Variants in SLC24A2 observed in about 807,000 individuals in gnomAD.
SLC24A2 encodes the protein solute carrier family 24 member 2.
In SLC24A2, 36 loss-of-function variants were observed where a neutral mutation model predicts 62.0. The ratio of observed to expected loss-of-function variants is 0.58; its 90% CI spans 0.44 to 0.77. SLC24A2 has a LOEUF of 0.77. Among genes scored for constraint, SLC24A2 ranks in the 30% least tolerant of loss-of-function variants. The pLI, the probability that SLC24A2 is intolerant of heterozygous loss-of-function variation, is 0.00. For missense variants in SLC24A2, 846 were observed against 817.9 expected (o/e 1.03, Z -0.42); for synonymous variants, 358 against 294.0 (o/e 1.22, Z -2.23).
chr9:19,527,917 T>C, intron 9 of SLC24A2, 132 bp downstream of exon 9: 1 of 708,548 alleles, frequency 1.4e-6, no homozygotes, highest in Non-Finnish European at 2.6e-6. Flanking sequence ...CCTCTAGTCC[T>C]GGAATGCTAA....
chr9:19,792,704 A>G (rs1453806070), upstream of SLC24A2, among the ~76,000 whole-genome samples: 1 of 77,492 alleles, frequency 1.3e-5, no homozygotes, highest in Non-Finnish European at 4.9e-5. Context: ...ACAAAACTCC[A>G]TCTCAAAAAA....
intron 7 of SLC24A2, among the ~76,000 whole-genome samples, chr9:19,557,884 T>G (rs1835175928): frequency 6.6e-6 from 1 of 151,602 alleles, no homozygotes; most frequent in African/African-American, 2.4e-5. Context: ...AGTGGCATGA[T>G]CTCAGCTCAC....
At chr9:20,171,539 G>A in the SLC24A2 span, among the ~76,000 whole-genome samples, 4 of 151,994 alleles carry the variant, frequency 2.6e-5, 1 homozygote, top group South Asian at 8.3e-4. Context: ...CCATGCAAAT[G>A]AACACCAAAA....
the SLC24A2 span, among the ~76,000 whole-genome samples, chr9:20,030,762 C>T: frequency 2.0e-5 from 3 of 152,248 alleles, no homozygotes; most frequent in East Asian, 5.8e-4. Flanking sequence ...CACAGTTTTA[C>T]AGATAAGAAA....
At chr9:19,853,161 T>C in the SLC24A2 span, among the ~76,000 whole-genome samples, 3 of 150,924 alleles carry the variant, frequency 2.0e-5, no homozygotes, top group Admixed American at 1.3e-4. Context: ...TTTGGTTTTA[T>C]ATCTGAGAAC....
At chr9:19,796,814 T>A in the SLC24A2 span, among the ~76,000 whole-genome samples, 6 of 152,326 alleles carry the variant, frequency 3.9e-5, no homozygotes, top group African/African-American at 1.4e-4. Flanking sequence ...ACTTGCAGTG[T>A]TCTATATCTT....
chr9:20,138,988 C>T, the SLC24A2 span, among the ~76,000 whole-genome samples: 1 of 152,206 alleles, frequency 6.6e-6, no homozygotes, highest in Non-Finnish European at 1.5e-5. Flanking sequence ...GAAATCTGTT[C>T]TCACCCCCAC....
intron 9 of SLC24A2, among the ~76,000 whole-genome samples, chr9:19,527,461 A>G (rs1833492720): frequency 2.0e-5 from 3 of 152,238 alleles, no homozygotes; most frequent in Admixed American, 6.5e-5. Flanking sequence ...GACATACTCA[A>G]TTATCAATAG....
intron 5 of SLC24A2, among the ~76,000 whole-genome samples, chr9:19,582,911 C>G (rs560938592): frequency 1.2e-4 from 18 of 152,184 alleles, no homozygotes; most frequent in Admixed American, 8.5e-4. Context: ...TCCCACTCCC[C>G]ACTCCGCACA....
chr9:20,205,649 TA>T, the SLC24A2 span, among the ~76,000 whole-genome samples: 15,694 of 65,618 alleles, frequency 0.24, 676 homozygotes, highest in African/African-American at 0.33. Context: ...AGACTCCATC[TA>T]AAAAAAAAAA....
At chr9:20,215,925 T>A in the SLC24A2 span, among the ~76,000 whole-genome samples, 2 of 152,164 alleles carry the variant, frequency 1.3e-5, no homozygotes, top group African/African-American at 4.8e-5. Flanking sequence ...TCCTGAGGTC[T>A]TACTGTACAG....
the SLC24A2 span, among the ~76,000 whole-genome samples, chr9:20,236,406 G>A: frequency 3.9e-5 from 6 of 152,162 alleles, no homozygotes; most frequent in Non-Finnish European, 8.8e-5. Context: ...TCCAAGAATT[G>A]TTGTGTGAGT....
At chr9:19,923,006 T>C in the SLC24A2 span, among the ~76,000 whole-genome samples, 10 of 149,764 alleles carry the variant, frequency 6.7e-5, no homozygotes, top group African/African-American at 2.4e-4. Context: ...TATATTTATA[T>C]ATATAAAACA....
chr9:19,853,831 C>G, the SLC24A2 span, among the ~76,000 whole-genome samples: 1 of 152,096 alleles, frequency 6.6e-6, no homozygotes, highest in African/African-American at 2.4e-5. Context: ...AAATGAGTTA[C>G]GGAGGAGTCT....
intron 9 of SLC24A2, among the ~76,000 whole-genome samples, chr9:19,526,494 A>G (rs1057009106): frequency 2.6e-5 from 4 of 152,184 alleles, no homozygotes; most frequent in African/African-American, 9.7e-5. Flanking sequence ...TAATTTCTAT[A>G]CATCCTCATC....
Position 19,576,997 on chromosome 9 carries a change from A to G in SLC24A2, c.1155T>C (p.Ile385=), listed in dbSNP as rs1007079863. 2 of 1,613,918 alleles carry G rather than the reference A, an allele frequency of 1.2e-6. No homozygotes were observed. Among genetic ancestry groups the G allele is most frequent in the African/African-American group, 2.7e-5 (2 of 74,882 alleles). ...EEGRFREKAS[I]LHKIAKKKCH... ...ATTTCTTCTTGGCGATCTTGTGGAG[A>G]ATTGAAGCCTTTTCTCTGAACCTCC... The change falls in exon 6 of 11, where the codon ATT becomes ATC. Residue 385 remains isoleucine (I), a synonymous_variant. Coordinates refer to ENST00000341998, the MANE Select transcript of SLC24A2 (RefSeq NM_020344.4).
the SLC24A2 span, among the ~76,000 whole-genome samples, chr9:19,931,786 A>G: frequency 6.6e-6 from 1 of 152,220 alleles, no homozygotes; most frequent in Non-Finnish European, 1.5e-5. Context: ...AACAACCAGA[A>G]TAATTATGTT....
chr9:20,267,570 C>T, the SLC24A2 span, among the ~76,000 whole-genome samples: 2 of 152,150 alleles, frequency 1.3e-5, no homozygotes, highest in Admixed American at 6.5e-5. Flanking sequence ...TCAGGGAAGA[C>T]TCTAAGGGGA....
At chr9:19,957,104 T>C in the SLC24A2 span, among the ~76,000 whole-genome samples, 2 of 152,196 alleles carry the variant, frequency 1.3e-5, no homozygotes. Context: ...ATAAACGTTC[T>C]TGTCTAGAGT....
Sources: gnomAD v4.1 joint callset for allele counts (sites outside exome capture counted in the v4.1 genomes callset) on GRCh38, gnomAD v4.1.1 for gene constraint, MANE v1.5 for transcripts, NCBI Gene and HGNC (gene_info 2026-07-23, HGNC 2026-07-21) for gene names.